Variants in SLC12A6 observed in about 807,000 individuals in gnomAD.
SLC12A6 encodes the protein solute carrier family 12 member 6.
Under a neutral mutation model 135.3 loss-of-function variants are expected in SLC12A6, and 66 were observed. The ratio of observed to expected loss-of-function variants is 0.49; its 90% CI spans 0.40 to 0.60. The LOEUF is 0.60. Ranked by LOEUF, SLC12A6 falls within the 20% of genes least tolerant of loss-of-function variation. SLC12A6 has a pLI of 0.00. For missense variants in SLC12A6, 1,058 were observed against 1,452.3 expected (o/e 0.73, Z 4.41); for synonymous variants, 513 against 508.8 (o/e 1.01, Z -0.11).
rs374866723 is a variant in SLC12A6 at position 34,229,824 on chromosome 15, G to A, written c.*4057C>T. ...GCAGCGCCTGGTCCCTATGTATTTG[G>A]GTCTTATTTACATCCTTCTTTAAGC... On this transcript the variant is annotated 3_prime_UTR_variant, in exon 26 of 26. Transcript: ENST00000354181. 1.2e-6 allele frequency: 2 copies of A among 1,608,700 alleles called. No individual in the cohort carries two copies. The highest frequency in any genetic ancestry group is 1.7e-6 in the Non-Finnish European group (2 of 1,175,332).
rs1198856039 is a variant in SLC12A6, at chr15:34,325,129, T to C, written c.271+11281A>G. Among the ~76,000 whole-genome samples, 4 of 152,210 alleles carry C rather than the reference T, an allele frequency of 2.6e-5. No individual in the cohort carries two copies. In the East Asian group the frequency reaches 7.7e-4, roughly 29 times the overall value. On this transcript the variant is annotated intron_variant, in intron 2 of 25. Coordinates refer to ENST00000354181, the MANE Select transcript of SLC12A6 (RefSeq NM_001365088.1). ...AATAGTTCTGTGTTAGAAAATGCTA[T>C]AAACATCTTACAGGAGAATGAGCTG... is the stretch of plus-strand genomic sequence containing the variant.
intron 8 of SLC12A6, 106 bp from the exon 9 acceptor site, chr15:34,254,695 AG>A (rs1470129183): frequency 1.4e-5 from 12 of 844,404 alleles, no homozygotes; most frequent in Non-Finnish European, 2.3e-5. Context: ...AAGCTGAGAG[AG>A]AAAATGACTG....
chr15:34,262,762 T>G (rs895856070), intron 3 of SLC12A6, among the ~76,000 whole-genome samples: 3 of 152,144 alleles, frequency 2.0e-5, no homozygotes, highest in Non-Finnish European at 4.4e-5. Flanking sequence ...AATCCCTACA[T>G]ACAGCCCGCT....
chr15:34,303,895 T>G (rs984751170), intron 2 of SLC12A6, among the ~76,000 whole-genome samples: 2 of 152,204 alleles, frequency 1.3e-5, no homozygotes. Flanking sequence ...ACCCAGTCTG[T>G]GGTATTGTTA....
intron 2 of SLC12A6, among the ~76,000 whole-genome samples, chr15:34,288,392 A>G (rs1362721193): frequency 3.3e-5 from 5 of 152,232 alleles, no homozygotes; most frequent in Non-Finnish European, 4.4e-5. Flanking sequence ...GTAGCCTCGT[A>G]GCAAAGTTTG....
chr15:34,262,249 CTTTG>C (rs1234282742), intron 3 of SLC12A6, among the ~76,000 whole-genome samples: 2 of 152,184 alleles, frequency 1.3e-5, no homozygotes, highest in Middle Eastern at 3.4e-3. Flanking sequence ...CACTGTGTGC[CTTTG>C]TTTTAGCCTT....
At chr15:34,275,615 T>C (rs972414453) in intron 2 of SLC12A6, among the ~76,000 whole-genome samples, 1 of 152,180 alleles carries the variant, frequency 6.6e-6, no homozygotes, top group Non-Finnish European at 1.5e-5. Context: ...CTCCTAATTA[T>C]ACTTCCAAAA....
At chr15:34,300,531 TC>T (rs1566851917) in intron 2 of SLC12A6, among the ~76,000 whole-genome samples, 1 of 152,070 alleles carries the variant, frequency 6.6e-6, no homozygotes. Context: ...GCACAGTGGC[TC>T]ATGTCTGTAA....
At chr15:34,280,797 T>C (rs949767341) in intron 2 of SLC12A6, among the ~76,000 whole-genome samples, 1 of 152,098 alleles carries the variant, frequency 6.6e-6, no homozygotes, top group African/African-American at 2.4e-5. Context: ...CAAAAACAGA[T>C]GAATGGATAA....
chr15:34,312,078 A>C (rs1181517042), intron 2 of SLC12A6, among the ~76,000 whole-genome samples: 1 of 152,166 alleles, frequency 6.6e-6, no homozygotes, highest in Admixed American at 6.5e-5. Flanking sequence ...CCTCACAACC[A>C]CCCTGTAAAG....
chr15:34,293,937 T>C (rs573209737), intron 2 of SLC12A6, among the ~76,000 whole-genome samples: 1 of 152,158 alleles, frequency 6.6e-6, no homozygotes, highest in African/African-American at 2.4e-5. Context: ...CTGGTTGAAA[T>C]AGAGAATCAC....
chr15:34,263,411 G>A (rs995868179), intron 3 of SLC12A6, among the ~76,000 whole-genome samples: 4 of 152,218 alleles, frequency 2.6e-5, no homozygotes, highest in Admixed American at 6.5e-5. Flanking sequence ...ACCCTGTCTC[G>A]GGGCAGGTTT....
At position 34,250,285 on chromosome 15, in the gene SLC12A6, A is replaced by G. The variant is rs763564033; in HGVS notation, c.1649+13T>C. ...ACACACACATAATTGTTACAAAGAAATTCATTACTCACTTGTCTCTGAGAA... is the reference window on the plus strand; with the variant it reads ...ACACACACATAATTGTTACAAAGAAGTTCATTACTCACTTGTCTCTGAGAA... On this transcript the variant is annotated intron_variant, in intron 13 of 25. Coordinates refer to ENST00000354181, the MANE Select transcript of SLC12A6 (RefSeq NM_001365088.1). 6 of 1,433,382 alleles carry G rather than the reference A, an allele frequency of 4.2e-6. No individual in the cohort carries two copies. The South Asian group carries it at 6.9e-5, about 16-fold the overall frequency. 88.8% of individuals were successfully genotyped at this position (1,433,382 alleles called of 1,614,324 possible).
chr15:34,240,549 G>GA lies in SLC12A6; in HGVS notation c.2436+111dup, dbSNP rs1891570678. The GA allele has an allele frequency of 6.3e-6, 6 of 957,578 alleles. No individual in the cohort carries two copies. In the South Asian group the frequency reaches 7.9e-5, roughly 13 times the overall value. The allele number at this position is 957,578 out of a possible 1,614,324, so 59.3% of individuals were successfully genotyped here. A position where few individuals can be genotyped will look rare whatever the true frequency, so the allele number is the denominator to read the frequency against. ...CCTTTCAAAGGTCAGCACTAAGTGAGAAACCTCCTAGATCACTCAGGAACA... is the reference window on the plus strand; with the variant it reads ...CCTTTCAAAGGTCAGCACTAAGTGAGAAAACCTCCTAGATCACTCAGGAACA... On this transcript the variant is annotated intron_variant, in intron 19 of 25. Transcript: ENST00000354181.
intron 2 of SLC12A6, among the ~76,000 whole-genome samples, chr15:34,316,393 A>ATT (rs1888653278): frequency 6.6e-6 from 1 of 152,212 alleles, no homozygotes; most frequent in Non-Finnish European, 1.5e-5. Context: ...TTTTACTCCT[A>ATT]GGTTTAAAAA....
At chr15:34,311,475 G>A (rs954428611) in intron 2 of SLC12A6, among the ~76,000 whole-genome samples, 1 of 152,100 alleles carries the variant, frequency 6.6e-6, no homozygotes, top group Non-Finnish European at 1.5e-5. Flanking sequence ...TCACAGTTTC[G>A]ATAATGCTCA....
intron 13 of SLC12A6, among the ~76,000 whole-genome samples, chr15:34,248,493 C>A (rs1892152398): frequency 6.6e-6 from 1 of 151,696 alleles, no homozygotes; most frequent in South Asian, 2.1e-4. Flanking sequence ...TGTAACTTAC[C>A]AAAGCTCCAT....
intron 2 of SLC12A6, among the ~76,000 whole-genome samples, chr15:34,302,588 G>A (rs1003162326): frequency 3.3e-5 from 5 of 152,088 alleles, no homozygotes; most frequent in South Asian, 2.1e-4. Context: ...CCAGCTACTC[G>A]GGAGGCTGAG....
intron 2 of SLC12A6, among the ~76,000 whole-genome samples, chr15:34,299,313 C>A: frequency 6.6e-6 from 1 of 152,186 alleles, no homozygotes; most frequent in Admixed American, 6.5e-5. Context: ...TTTAGTTTAA[C>A]CTTTTCTCAA....
Sources: allele counts gnomAD v4.1 joint callset (sites outside exome capture counted in the v4.1 genomes callset), GRCh38; gene constraint gnomAD v4.1.1; transcripts MANE v1.5; gene names NCBI Gene and HGNC (gene_info 2026-07-23, HGNC 2026-07-21).